SUSD4: variants seen among roughly 807,000 people sequenced by gnomAD.
SUSD4 encodes the protein sushi domain containing 4.
A neutral mutation model predicts 50.5 loss-of-function variants in SUSD4; 41 were observed. The observed-to-expected ratio is 0.81, with a 90% CI of 0.63 to 1.05. The LOEUF (loss-of-function observed/expected upper bound fraction) is 1.05. Among genes scored for constraint, SUSD4 ranks in the 50% least tolerant of loss-of-function variants. SUSD4 has a pLI of 0.00. For synonymous variants in SUSD4, 257 were observed against 257.3 expected (o/e 1.00, Z 0.01); for missense variants, 580 against 634.7 (o/e 0.91, Z 0.93).
At chr1:223,228,228 G>A (rs1440034033) in intron 6 of SUSD4, among the ~76,000 whole-genome samples, 2 of 152,210 alleles carry the variant, frequency 1.3e-5, no homozygotes, top group East Asian at 3.9e-4. Context: ...GCCATCAACT[G>A]CCTGCCAGGT....
At chr1:223,241,736 G>A (rs776272846) in intron 5 of SUSD4, among the ~76,000 whole-genome samples, 15 of 152,176 alleles carry the variant, frequency 9.9e-5, no homozygotes, top group Non-Finnish European at 1.8e-4. Context: ...AGTCCTCTCC[G>A]GACGGGGCCT....
intron 2 of SUSD4, among the ~76,000 whole-genome samples, chr1:223,303,593 T>C (rs2103187061): frequency 6.6e-6 from 1 of 152,328 alleles, no homozygotes; most frequent in African/African-American, 2.4e-5. Flanking sequence ...TCTTTCCTTG[T>C]TCCCAGGTGG....
intron 2 of SUSD4, among the ~76,000 whole-genome samples, chr1:223,299,780 T>C (rs1665064840): frequency 6.6e-6 from 1 of 152,192 alleles, no homozygotes. Context: ...CTCTTCTCTC[T>C]GCCTGACTGT....
intron 4 of SUSD4, among the ~76,000 whole-genome samples, chr1:223,266,176 T>C (rs61837629): frequency 0.41 from 62,371 of 152,042 alleles, 12,989 homozygotes; most frequent in African/African-American, 0.43. Flanking sequence ...TAGCTTTGAA[T>C]TGGCCAACAT....
intron 3 of SUSD4, among the ~76,000 whole-genome samples, chr1:223,283,415 G>A (rs917239642): frequency 5.5e-4 from 83 of 152,262 alleles, no homozygotes; most frequent in African/African-American, 2.0e-3. Flanking sequence ...TCAAAAATGG[G>A]TGAAGGATAT....
chr1:223,237,336 T>A (rs1280854159), intron 5 of SUSD4, among the ~76,000 whole-genome samples: 1 of 152,058 alleles, frequency 6.6e-6, no homozygotes, highest in Non-Finnish European at 1.5e-5. Flanking sequence ...TATATATCTT[T>A]TATTTCCTTT....
chr1:223,289,491 A>C (rs542310976), intron 3 of SUSD4, among the ~76,000 whole-genome samples: 3 of 152,186 alleles, frequency 2.0e-5, no homozygotes, highest in Non-Finnish European at 4.4e-5. Context: ...ACCCAAGAGA[A>C]CAGCTGCCCA....
At chr1:223,325,040 T>C (rs1299117270) in intron 2 of SUSD4, among the ~76,000 whole-genome samples, 1 of 152,124 alleles carries the variant, frequency 6.6e-6, no homozygotes, top group African/African-American at 2.4e-5. Context: ...TTTTGCCAAG[T>C]GGGGGAAGAA....
At chr1:223,319,393 G>A (rs1051105057) in intron 2 of SUSD4, among the ~76,000 whole-genome samples, 7 of 150,714 alleles carry the variant, frequency 4.6e-5, no homozygotes, top group South Asian at 2.1e-4. Flanking sequence ...GAAAATTTTC[G>A]CAACCTACTC....
intron 2 of SUSD4, among the ~76,000 whole-genome samples, chr1:223,345,802 C>G (rs946881257): frequency 2.0e-5 from 3 of 152,206 alleles, no homozygotes; most frequent in African/African-American, 7.2e-5. Flanking sequence ...TCTCTCATGC[C>G]TACACTAGAA....
rs186158832 is a variant in SUSD4, at chr1:223,261,702, T to C, written c.724+2928A>G. ...CAAAATAGCACCTGAACAACCAAAA[T>C]TGTGTCACAGTGTACATGTCTAAAA... is the stretch of plus-strand genomic sequence containing the variant. On this transcript the variant is annotated intron_variant, in intron 5 of 8. Transcript: ENST00000366878. Among the ~76,000 whole-genome samples, 389 of 152,326 alleles carry C rather than the reference T, an allele frequency of 2.6e-3. 8 individuals carry two copies. Among genetic ancestry groups the C allele is most frequent in the Non-Finnish European group, 1.2e-3 (83 of 68,020 alleles).
At chr1:223,258,662 G>C (rs544313879) in intron 5 of SUSD4, among the ~76,000 whole-genome samples, 1 of 152,288 alleles carries the variant, frequency 6.6e-6, no homozygotes, top group South Asian at 2.1e-4. Flanking sequence ...AAAATCTTTT[G>C]AAATTGTCAG....
At chr1:223,309,319 C>T (rs535660533) in intron 2 of SUSD4, among the ~76,000 whole-genome samples, 1 of 152,330 alleles carries the variant, frequency 6.6e-6, no homozygotes, top group South Asian at 2.1e-4. Flanking sequence ...AGTGCACTTA[C>T]ACCCGCACTC....
At chr1:223,358,391 C>G (rs1282148565) in intron 2 of SUSD4, among the ~76,000 whole-genome samples, 1 of 152,096 alleles carries the variant, frequency 6.6e-6, no homozygotes, top group Non-Finnish European at 1.5e-5. Context: ...ACCACTTGAC[C>G]AAAGCTAGGT....
chr1:223,267,808 T>C (rs541191775), intron 4 of SUSD4, among the ~76,000 whole-genome samples: 36 of 151,912 alleles, frequency 2.4e-4, no homozygotes, highest in South Asian at 4.2e-4. Context: ...AAATTATGAA[T>C]TATGCATTGC....
At chr1:223,265,980 A>G (rs1023514972) in intron 4 of SUSD4, among the ~76,000 whole-genome samples, 2 of 152,192 alleles carry the variant, frequency 1.3e-5, no homozygotes, top group Non-Finnish European at 2.9e-5. Flanking sequence ...TGGACATTGT[A>G]AGTATCTTGA....
At chr1:223,268,458 A>T (rs1480193188) in intron 4 of SUSD4, 44 bp downstream of exon 4, 4 of 1,578,452 alleles carry the variant, frequency 2.5e-6, no homozygotes, top group Non-Finnish European at 3.4e-6. Context: ...ATAAAGTCCG[A>T]GAGAATAATA....
In SUSD4 at chr1:223,238,670, T is replaced by C. The variant is rs143420306; in HGVS notation, c.725-9282A>G. On this transcript the variant is annotated intron_variant, in intron 5 of 8. Transcript: ENST00000366878. ...ATTATCTTTCTGGTGTTGATTTCTG[T>C]TTAATTATACTGTGATCTACAAGCA... Among the ~76,000 whole-genome samples the C allele has an allele frequency of 6.0e-3, 915 of 152,154 alleles. 8 individuals carry two copies. Among genetic ancestry groups the C allele is most frequent in the African/African-American group, 0.021 (887 of 41,572 alleles).
Position 223,221,230 on chromosome 1 carries a change from A to G in SUSD4, c.*962T>C. ...AAGGTCGGATATGTTTACAGAAACA[A>G]TTTCTGTTTTGGAAAATAAATGTAT... is the stretch of plus-strand genomic sequence containing the variant. On this transcript the variant is annotated 3_prime_UTR_variant, in exon 9 of 9. Coordinates refer to ENST00000366878, the MANE Select transcript of SUSD4 (RefSeq NM_017982.4). 1 of 398,788 alleles carries G rather than the reference A, an allele frequency of 2.5e-6. No individual in the cohort carries two copies. The highest frequency in any genetic ancestry group is 4.4e-6 in the Non-Finnish European group (1 of 225,850). 24.7% of individuals were successfully genotyped at this position (398,788 alleles called of 1,614,324 possible).
Sources: allele counts gnomAD v4.1 joint callset (sites outside exome capture counted in the v4.1 genomes callset), GRCh38; gene constraint gnomAD v4.1.1; transcripts MANE v1.5; gene names NCBI Gene and HGNC (gene_info 2026-07-23, HGNC 2026-07-21).